SLITRK1: variants seen among roughly 807,000 people sequenced by gnomAD.
SLITRK1 encodes SLIT and NTRK like family member 1.
A neutral mutation model predicts 42.4 loss-of-function variants in SLITRK1; 10 were observed. The ratio of observed to expected loss-of-function variants is 0.24; its 90% CI spans 0.15 to 0.40. The LOEUF (loss-of-function observed/expected upper bound fraction) is 0.40. Among genes scored for constraint, SLITRK1 ranks in the 10% least tolerant of loss-of-function variants. The pLI, the probability that SLITRK1 is intolerant of heterozygous loss-of-function variation, is 1.00. For missense variants in SLITRK1, 778 were observed against 848.8 expected (o/e 0.92, Z 1.04); for synonymous variants, 389 against 365.7 (o/e 1.06, Z -0.73).
rs1473067874 is a variant in SLITRK1, at chr13:83,880,358, C to A, written c.1150G>T (p.Asp384Tyr). Residue 384 changes from aspartate to tyrosine, a missense_variant, in exon 2 of 2, where the codon GAT (aspartate) becomes TAT (tyrosine). Asp to Tyr is a radical substitution (Grantham distance 160). Coordinates refer to ENST00000674365, the MANE Select transcript of SLITRK1 (RefSeq NM_001281503.2). ...LSNVQELFLR[D>Y]NKIHSIRKSH... The stretch of plus-strand genomic sequence containing the variant: ...TTTCGGATGCTGTGGATCTTGTTAT[C>A]TCGTAGGAAAAGCTCCTGCACGTTA... 1.2e-6 allele frequency: 2 copies of A among 1,613,894 alleles called. No individual in the cohort carries two copies. The highest frequency in any genetic ancestry group is 4.5e-5 in the East Asian group (2 of 44,850).
Position 83,879,129 on chromosome 13 carries a change from G to T in SLITRK1, c.*288C>A. 2.2e-6 allele frequency: 1 copy of T among 456,870 alleles called. No individual in the cohort carries two copies. Among genetic ancestry groups the T allele is most frequent in the Admixed American group, 3.4e-5 (1 of 29,316 alleles). 28.3% of individuals were successfully genotyped at this position (456,870 alleles called of 1,614,324 possible). On this transcript the variant is annotated 3_prime_UTR_variant, in exon 2 of 2. Coordinates refer to ENST00000674365, the MANE Select transcript of SLITRK1 (RefSeq NM_001281503.2). The stretch of plus-strand genomic sequence containing the variant: ...GGGGCCGAGGGCGAGGGCACTGTCA[G>T]TTCTTCCAGCAGGGTCGTGCTGGGC...
chr13:83,879,590 C>G lies in SLITRK1; in HGVS notation c.1918G>C (p.Val640Leu). The G allele has an allele frequency of 6.2e-7, 1 of 1,614,038 alleles. No individual in the cohort carries two copies. Among genetic ancestry groups the G allele is most frequent in the Non-Finnish European group, 8.5e-7 (1 of 1,180,006 alleles). Reference protein sequence around the residue: ...TSAFTVVGMLVFILRNRKRSK... With the variant: ...TSAFTVVGMLLFILRNRKRSK... ...CGCTTTCGGTTCCTCAGGATAAACACGAGCATGCCCACCACGGTGAAGGCG... is the reference window on the plus strand; with the variant it reads ...CGCTTTCGGTTCCTCAGGATAAACAGGAGCATGCCCACCACGGTGAAGGCG... The change falls in exon 2 of 2, where the codon GTG (valine) becomes CTG (leucine). Residue 640 changes from valine (V) to leucine (L), a missense_variant. Around this residue, in one of 4 missense-constraint regions of SLITRK1, gnomAD observed 164 missense variants for 158.2 expected, o/e 1.04. Transcript: ENST00000674365.
Position 83,879,056 on chromosome 13 carries a change from A to G in SLITRK1, c.*361T>C, listed in dbSNP as rs1019799722. On this transcript the variant is annotated 3_prime_UTR_variant, in exon 2 of 2. Coordinates refer to ENST00000674365, the MANE Select transcript of SLITRK1 (RefSeq NM_001281503.2). ...TATCTATCTCTCTATATAGATGTGGATATATGTATATATGTATAGAACCGC... is the reference window on the plus strand; with the variant it reads ...TATCTATCTCTCTATATAGATGTGGGTATATGTATATATGTATAGAACCGC... 1 of 318,432 alleles carries G rather than the reference A, an allele frequency of 3.1e-6. No individual in the cohort carries two copies. Among genetic ancestry groups the G allele is most frequent in the African/African-American group, 2.1e-5 (1 of 46,946 alleles). 19.7% of individuals were successfully genotyped at this position (318,432 alleles called of 1,614,324 possible).
chr13:83,880,566 G>T lies in SLITRK1; in HGVS notation c.942C>A (p.Asn314Lys). 1 of 1,614,166 alleles carries T rather than the reference G, an allele frequency of 6.2e-7. No homozygotes were observed. The highest frequency in any genetic ancestry group is 8.5e-7 in the Non-Finnish European group (1 of 1,180,032). Residue 314 changes from asparagine (N) to lysine (K), a missense_variant, in exon 2 of 2, where the codon AAC (asparagine) becomes AAA (lysine). By Grantham distance (94) the Asn-to-Lys change is moderately conservative. Around this residue, in one of 4 missense-constraint regions of SLITRK1, gnomAD observed 395 missense variants for 360.4 expected, o/e 1.10. Transcript: ENST00000674365. ...CTGTGGGTCTGATTTTGATCTGCCA[G>T]TTGCCTGGGATCTTTGTACCTCCGT... Reference protein sequence around the residue: ...APNGGTKIPGNWQIKIRPTAA... With the variant: ...APNGGTKIPGKWQIKIRPTAA...
Position 83,881,485 on chromosome 13 carries a change from A to G in SLITRK1, c.23T>C (p.Leu8Pro). The G allele has an allele frequency of 6.2e-7, 1 of 1,614,092 alleles. No individual in the cohort carries two copies. The highest frequency in any genetic ancestry group is 2.2e-5 in the East Asian group (1 of 44,856). Residue 8 changes from leucine to proline, a missense_variant, in exon 2 of 2, where the codon CTG (leucine) becomes CCG (proline). Physicochemically the swap from Leu to Pro is moderately conservative, Grantham distance 98. Coordinates refer to ENST00000674365, the MANE Select transcript of SLITRK1 (RefSeq NM_001281503.2). MLLWILL[L>P]ETSLCFAAGN... ...AGCGGCAAAACAAAGAGACGTCTCC[A>G]GCAACAGAATCCAAAGCAGCATTTT... is the stretch of plus-strand genomic sequence containing the variant.
chr13:83,881,169 G>T lies in SLITRK1; in HGVS notation c.339C>A (p.Ile113=). 2 of 1,614,102 alleles carry T rather than the reference G, an allele frequency of 1.2e-6. 1 individual carries two copies. Among genetic ancestry groups the T allele is most frequent in the South Asian group, 2.2e-5 (2 of 91,080 alleles). ...LGLQLVKRLH[I]NNNKIKSFRK... Reference sequence around the variant, plus strand: ...GAAAAGACTTGATCTTGTTGTTGTTGATGTGCAGCCTTTTCACCAGCTGCA... The same window carrying T: ...GAAAAGACTTGATCTTGTTGTTGTTTATGTGCAGCCTTTTCACCAGCTGCA... Residue 113 remains isoleucine (I), a synonymous_variant, in exon 2 of 2, where the codon ATC becomes ATA. Coordinates refer to ENST00000674365, the MANE Select transcript of SLITRK1 (RefSeq NM_001281503.2).
Position 83,880,682 on chromosome 13 carries a change from C to A in SLITRK1, c.826G>T (p.Ala276Ser). The A allele has an allele frequency of 1.2e-6, 2 of 1,614,050 alleles. No individual in the cohort carries two copies. Among genetic ancestry groups the A allele is most frequent in the Non-Finnish European group, 1.7e-6 (2 of 1,180,014 alleles). ...CCAGGAGCAAAGGTCTCTTCTTGGG[C>A]AGGGGGCGCCGGGAGACTAGAATCC... ...RVDSSLPAPP[A>S]QEETFAPGPL... The change falls in exon 2 of 2, where the codon GCC becomes TCC. Residue 276 changes from alanine (A) to serine (S), a missense_variant. Transcript: ENST00000674365.
chr13:83,880,969 G>A lies in SLITRK1; in HGVS notation c.539C>T (p.Thr180Ile). ...PANVFQYVPI[T>I]HLDLRGNRLK... ...CCTGTTACCCCGGAGGTCGAGGTGGGTGATGGGCACATACTGGAACACGTT... is the reference window on the plus strand; with the variant it reads ...CCTGTTACCCCGGAGGTCGAGGTGGATGATGGGCACATACTGGAACACGTT... Residue 180 changes from threonine (T) to isoleucine (I), a missense_variant, in exon 2 of 2, where the codon ACC becomes ATC. Coordinates refer to ENST00000674365, the MANE Select transcript of SLITRK1 (RefSeq NM_001281503.2). 6.2e-7 allele frequency: 1 copy of A among 1,614,090 alleles called. No individual in the cohort carries two copies. Among genetic ancestry groups the A allele is most frequent in the Non-Finnish European group, 8.5e-7 (1 of 1,180,026 alleles).
Position 83,880,722 on chromosome 13 carries a change from A to G in SLITRK1, c.786T>C (p.Pro262=), listed in dbSNP as rs759733231. 1 of 1,614,110 alleles carries G rather than the reference A, an allele frequency of 6.2e-7. No homozygotes were observed. Among genetic ancestry groups the G allele is most frequent in the Admixed American group, 1.7e-5 (1 of 60,014 alleles). Residue 262 remains proline (P), a synonymous_variant, in exon 2 of 2, where the codon CCT becomes CCC. Coordinates refer to ENST00000674365, the MANE Select transcript of SLITRK1 (RefSeq NM_001281503.2). ...LNETTEQDLC[P]LKNRVDSSLP... is the part of the protein sequence containing the mutation. ...GACTAGAATCCACTCGGTTTTTCAA[A>G]GGACACAAGTCCTGTTCGGTGGTTT...
chr13:83,880,301 G>C lies in SLITRK1; in HGVS notation c.1207C>G (p.Leu403Val), dbSNP rs372083302. 6.2e-7 allele frequency: 1 copy of C among 1,614,044 alleles called. No homozygotes were observed. The highest frequency in any genetic ancestry group is 8.5e-7 in the Non-Finnish European group (1 of 1,180,024). ...SHFVDYKNLI[L>V]LDLGNNNIAT... is the part of the protein sequence containing the mutation. Reference sequence around the variant, plus strand: ...ATGTTATTGTTGCCCAGATCCAACAGAATGAGGTTCTTGTAATCCACAAAG... The same window carrying C: ...ATGTTATTGTTGCCCAGATCCAACACAATGAGGTTCTTGTAATCCACAAAG... Residue 403 changes from leucine (L) to valine (V), a missense_variant, in exon 2 of 2, where the codon CTG (leucine) becomes GTG (valine). By Grantham distance (32) the Leu-to-Val change is conservative (BLOSUM62 1). This residue lies in a region of SLITRK1 where 395 missense variants were observed against 360.4 expected (regional missense o/e 1.10). Coordinates refer to ENST00000674365, the MANE Select transcript of SLITRK1 (RefSeq NM_001281503.2).
Position 83,878,784 on chromosome 13 carries a change from A to G in SLITRK1, c.*633T>C, listed in dbSNP as rs1884741762. ...TGATTATACTGTATTTTGTTTATAG[A>G]AAGTTTGATACGATGGAACTTATCA... On this transcript the variant is annotated 3_prime_UTR_variant, in exon 2 of 2. Coordinates refer to ENST00000674365, the MANE Select transcript of SLITRK1 (RefSeq NM_001281503.2). 1 of 153,374 alleles carries G rather than the reference A, an allele frequency of 6.5e-6. No homozygotes were observed. The highest frequency in any genetic ancestry group is 2.1e-4 in the South Asian group (1 of 4,856). The allele number at this position is 153,374 out of a possible 1,614,324, so 9.5% of individuals were successfully genotyped here.
rs1884790536 is a variant in SLITRK1 at position 83,880,541 on chromosome 13, C to T, written c.967G>A (p.Ala323Thr). 6.2e-7 allele frequency: 1 copy of T among 1,614,156 alleles called. No homozygotes were observed. The highest frequency in any genetic ancestry group is 8.5e-7 in the Non-Finnish European group (1 of 1,180,042). Reference sequence around the variant, plus strand: ...CTGGAGCTACCCGTCGCTATCGCTGCTGTGGGTCTGATTTTGATCTGCCAG... The same window carrying T: ...CTGGAGCTACCCGTCGCTATCGCTGTTGTGGGTCTGATTTTGATCTGCCAG... ...GNWQIKIRPT[A>T]AIATGSSRNK... The change falls in exon 2 of 2, where the codon GCA becomes ACA. Residue 323 changes from alanine (A) to threonine (T), a missense_variant. Physicochemically the swap from Ala to Thr is moderately conservative, Grantham distance 58. Transcript: ENST00000674365.
In SLITRK1 at chr13:83,879,473, T is replaced by G. The variant is rs886050332; in HGVS notation, c.2035A>C (p.Asn679His). The G allele has an allele frequency of 3.1e-6, 5 of 1,613,982 alleles. No homozygotes were observed. The Middle Eastern group carries it at 5.0e-4, about 160-fold the overall frequency. Residue 679 changes from asparagine (N) to histidine (H), a missense_variant, in exon 2 of 2, where the codon AAC (asparagine) becomes CAC (histidine). By Grantham distance (68) the Asn-to-His change is moderately conservative. Coordinates refer to ENST00000674365, the MANE Select transcript of SLITRK1 (RefSeq NM_001281503.2). ...TACACTCTGTGGGCCCCATCTGCGT[T>G]GTAAGGCCCATTGTGCCAGTAGGAA... ...DSSYWHNGPY[N>H]ADGAHRVYDC...
At position 83,879,790 on chromosome 13, in the gene SLITRK1, G is replaced by A. The variant is rs533449273; in HGVS notation, c.1718C>T (p.Ser573Phe). ...CAGCTGAGGGCAGATCTCGTCATTG[G>A]AGAGGAGCATGAAATCCTTTCTAAA... Reference protein sequence around the residue: ...NFFRKDFMLLSNDEICPQLYA... With the variant: ...NFFRKDFMLLFNDEICPQLYA... Residue 573 changes from serine (S) to phenylalanine (F), a missense_variant, in exon 2 of 2, where the codon TCC becomes TTC. Coordinates refer to ENST00000674365, the MANE Select transcript of SLITRK1 (RefSeq NM_001281503.2). 1.2e-6 allele frequency: 2 copies of A among 1,614,066 alleles called. No individual in the cohort carries two copies. Among genetic ancestry groups the A allele is most frequent in the African/African-American group, 1.3e-5 (1 of 75,030 alleles).
chr13:83,880,842 G>C lies in SLITRK1; in HGVS notation c.666C>G (p.Ser222=). Residue 222 remains serine (S), a synonymous_variant, in exon 2 of 2, where the codon TCC becomes TCG. Coordinates refer to ENST00000674365, the MANE Select transcript of SLITRK1 (RefSeq NM_001281503.2). ...NPWDCTCDLL[S]LKEWLENIPK... ...GAATGTTTTCCAGCCATTCTTTCAG[G>C]GAGAGCAGATCACAGGTGCAGTCCC... is the stretch of plus-strand genomic sequence containing the variant. The C allele has an allele frequency of 6.2e-7, 1 of 1,614,134 alleles. No individual in the cohort carries two copies. The highest frequency in any genetic ancestry group is 8.5e-7 in the Non-Finnish European group (1 of 1,180,026).
Position 83,878,542 on chromosome 13 carries a change from C to G in SLITRK1, c.*875G>C, listed in dbSNP as rs1335767105. The G allele has an allele frequency of 6.6e-6, 1 of 151,970 alleles. No homozygotes were observed. The highest frequency in any genetic ancestry group is 1.5e-5 in the Non-Finnish European group (1 of 67,928). 9.4% of individuals were successfully genotyped at this position (151,970 alleles called of 1,614,324 possible). ...TGGATATGTATTAAAAAAAAGACCC[C>G]CTGAAAAAAATAAAATAAAATAAAA... On this transcript the variant is annotated 3_prime_UTR_variant, in exon 2 of 2. Coordinates refer to ENST00000674365, the MANE Select transcript of SLITRK1 (RefSeq NM_001281503.2).
At chr13:83,881,652 G>C in intron 1 of SLITRK1, 92 bp from the exon 2 acceptor site, 1 of 786,238 alleles carries the variant, frequency 1.3e-6, no homozygotes, top group Non-Finnish European at 2.0e-6. Context: ...GGTGGGGGTG[G>C]ATTCCTTCCT....
rs1884726572 is a variant in SLITRK1 at position 83,878,039 on chromosome 13, A to C, written c.*1378T>G. 2 of 98,808 alleles carry C rather than the reference A, an allele frequency of 2.0e-5. No individual in the cohort carries two copies. Among genetic ancestry groups the C allele is most frequent in the African/African-American group, 7.8e-5 (2 of 25,526 alleles). 6.1% of individuals were successfully genotyped at this position (98,808 alleles called of 1,614,324 possible). A position where few individuals can be genotyped will look rare whatever the true frequency, so the allele number is the denominator to read the frequency against. On this transcript the variant is annotated 3_prime_UTR_variant, in exon 2 of 2. Coordinates refer to ENST00000674365, the MANE Select transcript of SLITRK1 (RefSeq NM_001281503.2). ...GGGGAAAGCCGGTAAAGTCTGAGCG[A>C]AGGTGGGGGTGGGGTAGAGGGTGGG...
Position 83,879,682 on chromosome 13 carries a change from T to C in SLITRK1, c.1826A>G (p.Tyr609Cys). 6.2e-7 allele frequency: 1 copy of C among 1,613,622 alleles called. No homozygotes were observed. The change falls in exon 2 of 2, where the codon TAC (tyrosine) becomes TGC (cysteine). Residue 609 changes from tyrosine to cysteine, a missense_variant. By Grantham distance (194) the Tyr-to-Cys change is radical. Transcript: ENST00000674365. ...GATGGACACCCTGCTGGTGTCTAGGTAGGAGTTGGAGTGCGTCCCGGTCTC... is the reference window on the plus strand; with the variant it reads ...GATGGACACCCTGCTGGTGTCTAGGCAGGAGTTGGAGTGCGTCCCGGTCTC... ...LAETGTHSNS[Y>C]LDTSRVSISV...
Sources: allele counts gnomAD v4.1 joint callset, GRCh38; gene constraint gnomAD v4.1.1; regional missense constraint gnomAD v4.1.1; transcripts MANE v1.5; gene names NCBI Gene and HGNC (gene_info 2026-07-23, HGNC 2026-07-21).